Variants in DTNA observed in about 807,000 individuals in gnomAD.
The protein encoded by DTNA is dystrobrevin alpha.
A neutral mutation model predicts 100.7 loss-of-function variants in DTNA; 43 were observed. The observed-to-expected ratio is 0.43, with a 90% CI of 0.33 to 0.55. The LOEUF (loss-of-function observed/expected upper bound fraction) is 0.55, where lower values mean the gene tolerates loss of function less well. Among genes scored for constraint, DTNA ranks in the 20% least tolerant of loss-of-function variants. The pLI is 0.04. For synonymous variants in DTNA, 349 were observed against 347.9 expected (o/e 1.00, Z -0.04); for missense variants, 798 against 953.9 (o/e 0.84, Z 2.15).
At chr18:34,515,910 G>A (rs1266527816) in intron 1 of DTNA, among the ~76,000 whole-genome samples, 3 of 152,050 alleles carry the variant, frequency 2.0e-5, no homozygotes, top group South Asian at 4.1e-4. Context: ...GTATCATTTA[G>A]CCCCACCCTT....
chr18:34,877,852 G>T (rs2096833310), intron 19 of DTNA, 44 bp downstream of exon 19: 1 of 1,526,436 alleles, frequency 6.6e-7, no homozygotes, highest in African/African-American at 1.4e-5. Flanking sequence ...ATCATGGAGG[G>T]ATCCATAAGT....
At chr18:34,625,736 G>A (rs747224024) in intron 1 of DTNA, among the ~76,000 whole-genome samples, 2 of 152,218 alleles carry the variant, frequency 1.3e-5, no homozygotes, top group African/African-American at 4.8e-5. Flanking sequence ...TGGTATCAAC[G>A]TGAGAAATGA....
At chr18:34,560,242 A>G (rs2046513322) in intron 1 of DTNA, among the ~76,000 whole-genome samples, 1 of 152,218 alleles carries the variant, frequency 6.6e-6, no homozygotes, top group Non-Finnish European at 1.5e-5. Context: ...AAACTCCTTG[A>G]GAGCAGGAAC....
intron 1 of DTNA, among the ~76,000 whole-genome samples, chr18:34,521,771 T>C (rs2042172503): frequency 1.3e-5 from 2 of 152,192 alleles, no homozygotes; most frequent in African/African-American, 4.8e-5. Flanking sequence ...TGACGACTTC[T>C]CTACCATTCT....
chr18:34,680,763 T>G (rs1312691373), intron 1 of DTNA, among the ~76,000 whole-genome samples: 1 of 152,174 alleles, frequency 6.6e-6, no homozygotes, highest in Non-Finnish European at 1.5e-5. Flanking sequence ...GTAAATCAAT[T>G]TGCCTAGTGT....
At chr18:34,586,282 G>A (rs778707588) in intron 1 of DTNA, among the ~76,000 whole-genome samples, 1 of 152,212 alleles carries the variant, frequency 6.6e-6, no homozygotes, top group African/African-American at 2.4e-5. Context: ...GTGTTGGGAC[G>A]TGGTGCCTCC....
intron 1 of DTNA, among the ~76,000 whole-genome samples, chr18:34,532,923 G>C (rs1313047216): frequency 1.3e-5 from 2 of 151,930 alleles, no homozygotes; most frequent in Non-Finnish European, 2.9e-5. Flanking sequence ...GAAAGTTTTT[G>C]TAGCTCTCTT....
intron 21 of DTNA, among the ~76,000 whole-genome samples, chr18:34,882,519 C>T (rs1568899222): frequency 6.6e-6 from 1 of 152,068 alleles, no homozygotes; most frequent in Non-Finnish European, 1.5e-5. Context: ...CGGGCATGCA[C>T]CACCACGCCC....
At chr18:34,599,399 A>G (rs1272817911) in intron 1 of DTNA, among the ~76,000 whole-genome samples, 2 of 152,174 alleles carry the variant, frequency 1.3e-5, no homozygotes, top group African/African-American at 2.4e-5. Context: ...AAACAGCTGA[A>G]CTCATTTTTC....
intron 1 of DTNA, among the ~76,000 whole-genome samples, chr18:34,700,521 T>C (rs1487404232): frequency 6.6e-6 from 1 of 152,204 alleles, no homozygotes; most frequent in Non-Finnish European, 1.5e-5. Flanking sequence ...GTACAAGCTT[T>C]CCTTTTATAT....
chr18:34,718,275 A>G (rs181726858), intron 1 of DTNA, among the ~76,000 whole-genome samples: 41 of 152,308 alleles, frequency 2.7e-4, no homozygotes, highest in Admixed American at 2.6e-3. Flanking sequence ...GATGTAATGT[A>G]ACTGAGGTGG....
chr18:34,874,621 A>C (rs563849397), intron 17 of DTNA, among the ~76,000 whole-genome samples: 1 of 152,108 alleles, frequency 6.6e-6, no homozygotes, highest in East Asian at 1.9e-4. Context: ...ATACCAAAAA[A>C]TTAGAAAACA....
At chr18:34,640,163 C>G (rs887772063) in intron 1 of DTNA, among the ~76,000 whole-genome samples, 33 of 152,178 alleles carry the variant, frequency 2.2e-4, no homozygotes, top group African/African-American at 6.5e-4. Flanking sequence ...TTTATATTTT[C>G]ATATGATTAT....
chr18:34,548,074 T>G (rs2044996283), intron 1 of DTNA, among the ~76,000 whole-genome samples: 1 of 152,184 alleles, frequency 6.6e-6, no homozygotes, highest in Non-Finnish European at 1.5e-5. Flanking sequence ...ACCTTTTACC[T>G]TCTGTTTCTT....
At chr18:34,870,552 A>T (rs2096755317) in intron 17 of DTNA, among the ~76,000 whole-genome samples, 1 of 152,180 alleles carries the variant, frequency 6.6e-6, no homozygotes, top group Non-Finnish European at 1.5e-5. Flanking sequence ...TTAAGTATTG[A>T]TTATTATAAT....
chr18:34,834,452 A>G (rs1185790241), intron 11 of DTNA, among the ~76,000 whole-genome samples: 1 of 152,028 alleles, frequency 6.6e-6, no homozygotes, highest in Admixed American at 6.6e-5. Context: ...GCAGTGAGCC[A>G]AGATCGCACC....
At chr18:34,807,576 A>T (rs536117536) in intron 5 of DTNA, among the ~76,000 whole-genome samples, 1 of 152,206 alleles carries the variant, frequency 6.6e-6, no homozygotes, top group Admixed American at 6.5e-5. Flanking sequence ...TTCCCTGGAG[A>T]TGCTCCAGGG....
chr18:34,505,925 T>C (rs2040444207), intron 1 of DTNA, among the ~76,000 whole-genome samples: 2 of 152,354 alleles, frequency 1.3e-5, no homozygotes, highest in African/African-American at 4.8e-5. Flanking sequence ...CATTTTCTTA[T>C]ATGTTAAGAG....
At chr18:34,600,309 G>T (rs1026758896) in intron 1 of DTNA, among the ~76,000 whole-genome samples, 14 of 152,254 alleles carry the variant, frequency 9.2e-5, no homozygotes, top group Non-Finnish European at 1.9e-4. Flanking sequence ...AAATAAAAAT[G>T]ATGTAAAGAT....
Sources: gnomAD v4.1 joint callset for allele counts (sites outside exome capture counted in the v4.1 genomes callset) on GRCh38, gnomAD v4.1.1 for gene constraint, MANE v1.5 for transcripts, NCBI Gene and HGNC (gene_info 2026-07-23, HGNC 2026-07-21) for gene names.